The following CHMP3 variants were observed in gnomAD, a reference collection of about 807,000 sequenced individuals.
CHMP3 encodes the protein charged multivesicular body protein 3.
Under a neutral mutation model 27.4 loss-of-function variants are expected in CHMP3, and 8 were observed. That is an observed-to-expected ratio of 0.29 (90% CI 0.17 to 0.53). The LOEUF is 0.53. Ranked by LOEUF, CHMP3 falls within the 20% of genes least tolerant of loss-of-function variation. CHMP3 has a pLI of 0.96. For synonymous variants in CHMP3, 86 were observed against 85.5 expected (o/e 1.01, Z -0.03); for missense variants, 208 against 271.5 (o/e 0.77, Z 1.64).
chr2:86,562,727 C>G (rs1268974049), intron 1 of CHMP3: 1 of 152,280 alleles, frequency 6.6e-6, no homozygotes, highest in African/African-American at 2.4e-5. Flanking sequence ...GAAGCCGGGT[C>G]CAGAGCTATC....
rs562496257 is a variant in CHMP3, at chr2:86,563,400, G to T, written c.-52C>A. The T allele has an allele frequency of 6.3e-7, 1 of 1,599,252 alleles. No homozygotes were observed. Among genetic ancestry groups the T allele is most frequent in the African/African-American group, 1.4e-5 (1 of 70,452 alleles). ...CCGGCTTTCAGTTCCCCGCGCCCAGGCAGGTCACGGGCAGCCGCCTGGGCG... is the reference window on the plus strand; with the variant it reads ...CCGGCTTTCAGTTCCCCGCGCCCAGTCAGGTCACGGGCAGCCGCCTGGGCG... On this transcript the variant is annotated 5_prime_UTR_variant, in exon 1 of 6. Transcript: ENST00000263856.
At chr2:86,510,282 T>G in intron 4 of CHMP3, 76 bp downstream of exon 4, 95 of 747,226 alleles carry the variant, frequency 1.3e-4, no homozygotes, top group Non-Finnish European at 2.0e-4. Flanking sequence ...CCACCCACCC[T>G]CATCCCTAGC....
intron 1 of CHMP3, among the ~76,000 whole-genome samples, chr2:86,543,078 T>A (rs1023926741): frequency 6.6e-6 from 1 of 152,212 alleles, no homozygotes; most frequent in African/African-American, 2.4e-5. Context: ...ACTCCTTCCA[T>A]TACCATTTTA....
At chr2:86,518,294 CATA>C (rs905107007) in intron 3 of CHMP3, among the ~76,000 whole-genome samples, 6 of 151,774 alleles carry the variant, frequency 4.0e-5, no homozygotes, top group Non-Finnish European at 7.4e-5. Flanking sequence ...ATCTCTAACA[CATA>C]ATAATAATGA....
At chr2:86,551,908 A>G (rs1327881637) in intron 1 of CHMP3, among the ~76,000 whole-genome samples, 1 of 152,216 alleles carries the variant, frequency 6.6e-6, no homozygotes, top group Non-Finnish European at 1.5e-5. Context: ...AAGCAGGGAT[A>G]CTCGAATAGC....
At chr2:86,547,328 C>A (rs1676651164) in intron 1 of CHMP3, among the ~76,000 whole-genome samples, 1 of 152,182 alleles carries the variant, frequency 6.6e-6, no homozygotes, top group Non-Finnish European at 1.5e-5. Flanking sequence ...ATGTAACAAT[C>A]TTCAGAAACT....
chr2:86,547,382 A>C (rs1354707659), intron 1 of CHMP3, among the ~76,000 whole-genome samples: 1 of 152,244 alleles, frequency 6.6e-6, no homozygotes, highest in African/African-American at 2.4e-5. Context: ...AGTTTCATAA[A>C]ATCTGTCAAA....
At chr2:86,525,811 A>G (rs1374766021) in intron 3 of CHMP3, among the ~76,000 whole-genome samples, 1 of 152,210 alleles carries the variant, frequency 6.6e-6, no homozygotes, top group Non-Finnish European at 1.5e-5. Context: ...GAAGAAGACA[A>G]AGTGGTGGGA....
chr2:86,519,774 T>C (rs1000087562), intron 3 of CHMP3, among the ~76,000 whole-genome samples: 1 of 152,188 alleles, frequency 6.6e-6, no homozygotes, highest in Non-Finnish European at 1.5e-5. Context: ...AAGACAATTA[T>C]GAACTGTAGA....
chr2:86,548,930 G>A lies in CHMP3; in HGVS notation c.46-6618C>T, dbSNP rs1318900918. On this transcript the variant is annotated intron_variant, in intron 1 of 5. Transcript: ENST00000263856. ...CTCCCCACCTCCCAGATGATGGGCC[G>A]GGCAGAGGTGCTCCCCACCTCCCAG... Among the ~76,000 whole-genome samples the A allele has an allele frequency of 6.7e-5, 10 of 150,070 alleles. No individual in the cohort carries two copies. The East Asian group carries it at 1.2e-3, about 18-fold the overall frequency.
At chr2:86,531,809 C>T (rs1296380578) in intron 2 of CHMP3, among the ~76,000 whole-genome samples, 1 of 152,098 alleles carries the variant, frequency 6.6e-6, no homozygotes, top group Admixed American at 6.5e-5. Flanking sequence ...TATTTCTATT[C>T]CATTCGTTTA....
At chr2:86,534,499 G>A (rs142907900) in intron 2 of CHMP3, among the ~76,000 whole-genome samples, 5 of 151,806 alleles carry the variant, frequency 3.3e-5, no homozygotes, top group African/African-American at 4.8e-5. Context: ...CTCTGCCTTC[G>A]TTCTTCAAGT....
At chr2:86,549,346 CAG>C (rs1203242651) in intron 1 of CHMP3, among the ~76,000 whole-genome samples, 1 of 131,586 alleles carries the variant, frequency 7.6e-6, no homozygotes, top group Non-Finnish European at 1.6e-5. Flanking sequence ...GGCGGCCGGG[CAG>C]AGACGCTCCT....
chr2:86,549,003 G>T (rs1203099396), intron 1 of CHMP3, among the ~76,000 whole-genome samples: 1 of 150,766 alleles, frequency 6.6e-6, no homozygotes, highest in Non-Finnish European at 1.5e-5. Context: ...AGATGGGGCG[G>T]CCAGGCAGAG....
intron 3 of CHMP3, among the ~76,000 whole-genome samples, chr2:86,520,131 T>A (rs998012777): frequency 4.6e-5 from 7 of 152,190 alleles, no homozygotes; most frequent in African/African-American, 1.7e-4. Flanking sequence ...ACAAAGAAAT[T>A]GGTGAACAAT....
chr2:86,534,870 T>C (rs1367659456), intron 2 of CHMP3, among the ~76,000 whole-genome samples: 1 of 152,234 alleles, frequency 6.6e-6, no homozygotes, highest in Non-Finnish European at 1.5e-5. Flanking sequence ...CTCACTCTTG[T>C]AGACAGTATA....
intron 2 of CHMP3, among the ~76,000 whole-genome samples, chr2:86,533,926 G>C (rs1054464982): frequency 1.3e-5 from 2 of 152,102 alleles, no homozygotes; most frequent in South Asian, 4.1e-4. Flanking sequence ...TTTGCTTTGT[G>C]ATTTCTTTTT....
intron 1 of CHMP3, among the ~76,000 whole-genome samples, chr2:86,548,179 C>CTCTTTTTTT (rs1558659183): frequency 8.6e-6 from 1 of 116,070 alleles, no homozygotes. Flanking sequence ...GAGGAGTTCT[C>CTCTTTTTTT]TTTTTTTTTT....
chr2:86,523,912 T>C (rs1277240594), intron 3 of CHMP3, among the ~76,000 whole-genome samples: 1 of 152,044 alleles, frequency 6.6e-6, no homozygotes, highest in Non-Finnish European at 1.5e-5. Context: ...AAGGTTAAGA[T>C]AGCCAAAATA....
Sources: gnomAD v4.1 joint callset for allele counts (sites outside exome capture counted in the v4.1 genomes callset) on GRCh38, gnomAD v4.1.1 for gene constraint, MANE v1.5 for transcripts, NCBI Gene and HGNC (gene_info 2026-07-23, HGNC 2026-07-21) for gene names.